Variants in THADA observed in about 807,000 individuals in gnomAD.
The protein encoded by THADA is THADA armadillo repeat containing, also known as tRNA (32-2'-O)-methyltransferase regulator THADA.
Under a neutral mutation model 219.8 loss-of-function variants are expected in THADA, and 213 were observed. That is an observed-to-expected ratio of 0.97 (90% confidence interval 0.87 to 1.09). The LOEUF is 1.09. Ranked by LOEUF, THADA falls within the 50% of genes least tolerant of loss-of-function variation. The probability of loss-of-function intolerance (pLI) is 0.00; values close to 1 mark genes in which losing one functional copy is unlikely to be tolerated. For synonymous variants in THADA, 1,018 were observed against 828.9 expected, an observed-to-expected ratio of 1.23 and a Z score of -3.92; for missense variants, 2,956 against 2,311.3, an observed-to-expected ratio of 1.28 and a Z score of -5.72.
At chr2:43,327,590 G>T (rs4128209) in intron 30 of THADA, among the ~76,000 whole-genome samples, 1 of 151,880 alleles carries the variant, frequency 6.6e-6, no homozygotes, top group Non-Finnish European at 1.5e-5. Context: ...ATATCTACCC[G>T]CCTCCTGCCC....
Position 43,577,205 on chromosome 2 carries a change from C to A in THADA, c.854G>T (p.Ser285Ile). ...GCTGCTCATAAACCACTCGGGGACA[C>A]TGGTGCAGTCCACTGAACGAAGCAG... The part of the protein sequence containing the change: ...SVLLRSVDCT[S>I]VPEWFMSSCR... Residue 285 changes from serine (S) to isoleucine (I), a missense_variant, in exon 10 of 38, where the codon AGT (serine) becomes ATT (isoleucine). By Grantham distance (142) the Ser-to-Ile change is moderately radical (BLOSUM62 -2). Transcript: ENST00000405975. The A allele has an allele frequency of 6.2e-7, 1 of 1,601,454 alleles. No individual in the cohort carries two copies. Among genetic ancestry groups the A allele is most frequent in the Non-Finnish European group, 8.5e-7 (1 of 1,174,162 alleles).
intron 30 of THADA, among the ~76,000 whole-genome samples, chr2:43,335,184 T>G (rs1420627505): frequency 6.6e-6 from 1 of 152,136 alleles, no homozygotes; most frequent in East Asian, 1.9e-4. Context: ...CCCAGGTGAT[T>G]CACGTGCACA....
chr2:43,348,225 G>C (rs1007159071), intron 29 of THADA, among the ~76,000 whole-genome samples: 2 of 152,174 alleles, frequency 1.3e-5, no homozygotes, highest in Admixed American at 6.5e-5. Flanking sequence ...CCTTCCTGTA[G>C]GGCAAACAGT....
At chr2:43,369,385 G>T (rs936564460) in intron 29 of THADA, among the ~76,000 whole-genome samples, 1 of 152,066 alleles carries the variant, frequency 6.6e-6, no homozygotes, top group African/African-American at 2.4e-5. Flanking sequence ...GAAATTTCAG[G>T]GTTTTCTTAG....
At chr2:43,282,941 C>T (rs62137408) in intron 35 of THADA, among the ~76,000 whole-genome samples, 24 of 152,270 alleles carry the variant, frequency 1.6e-4, no homozygotes, top group South Asian at 8.3e-4. Flanking sequence ...TCCACCTTTA[C>T]GTCCCAAAGA....
chr2:43,287,011 G>C lies in THADA; in HGVS notation c.5061C>G (p.Ile1687Met). The change falls in exon 35 of 38, where the codon ATC (isoleucine) becomes ATG (methionine). Residue 1687 changes from isoleucine to methionine, a missense_variant. By Grantham distance (10) the Ile-to-Met change is conservative (BLOSUM62 1). Coordinates refer to ENST00000405975, the MANE Select transcript of THADA (RefSeq NM_022065.5). ...AELKQWVQLV[I>M]LSCEDHLPTE... ...TAGGAAGATGGTCTTCACATGACAA[G>C]ATGACCAGCTGAACCCACTGCTTCA... is the stretch of plus-strand genomic sequence containing the variant. 6.2e-7 allele frequency: 1 copy of C among 1,613,950 alleles called. No individual in the cohort carries two copies. The highest frequency in any genetic ancestry group is 8.5e-7 in the Non-Finnish European group (1 of 1,179,866).
chr2:43,469,719 C>A (rs1266841392), intron 26 of THADA, among the ~76,000 whole-genome samples: 3 of 152,120 alleles, frequency 2.0e-5, no homozygotes, highest in African/African-American at 7.2e-5. Flanking sequence ...ATATTCCCTG[C>A]ATCACTTTTT....
chr2:43,322,342 A>T (rs1186378254), intron 30 of THADA, among the ~76,000 whole-genome samples: 1 of 151,844 alleles, frequency 6.6e-6, no homozygotes, highest in African/African-American at 2.4e-5. Flanking sequence ...CATCTCTACT[A>T]AAAACACAAA....
intron 24 of THADA, among the ~76,000 whole-genome samples, chr2:43,499,539 G>T (rs1484746890): frequency 1.3e-5 from 2 of 152,010 alleles, no homozygotes; most frequent in Admixed American, 1.3e-4. Context: ...ACCACGGCCG[G>T]CTAAGTTTTG....
chr2:43,291,986 T>G (rs1188164402), intron 33 of THADA, 118 bp downstream of exon 33: 1 of 785,794 alleles, frequency 1.3e-6, no homozygotes, highest in East Asian at 2.8e-5. Context: ...TAGGCTGAGG[T>G]TTAGAATGAA....
chr2:43,590,393 C>CT (rs1701425480), intron 4 of THADA, among the ~76,000 whole-genome samples: 1 of 151,988 alleles, frequency 6.6e-6, no homozygotes, highest in African/African-American at 2.4e-5. Flanking sequence ...AAAGTTGTAA[C>CT]TAGGCTGGGC....
At chr2:43,308,146 AG>A (rs1677072860) in intron 31 of THADA, among the ~76,000 whole-genome samples, 1 of 151,644 alleles carries the variant, frequency 6.6e-6, no homozygotes, top group East Asian at 2.0e-4. Context: ...GCTTAAGCCT[AG>A]GAGTTCAAGG....
intron 29 of THADA, among the ~76,000 whole-genome samples, chr2:43,379,843 G>GTTTCATATCCAT (rs1220266721): frequency 6.6e-6 from 1 of 152,178 alleles, no homozygotes; most frequent in African/African-American, 2.4e-5. Context: ...TCCATAAAAT[G>GTTTCATATCCAT]AAACAGTATT....
At chr2:43,525,634 G>C (rs1413087210) in intron 22 of THADA, among the ~76,000 whole-genome samples, 2 of 152,144 alleles carry the variant, frequency 1.3e-5, no homozygotes. Context: ...AGTTGTCTTA[G>C]GTCCCTTGTG....
At chr2:43,595,107 AAATT>A (rs781273285) in intron 1 of THADA, among the ~76,000 whole-genome samples, 2 of 152,336 alleles carry the variant, frequency 1.3e-5, no homozygotes, top group Admixed American at 1.3e-4. Flanking sequence ...ACGAATAAAC[AAATT>A]AATTAACAAA....
chr2:43,302,079 G>C (rs926956237), intron 31 of THADA, among the ~76,000 whole-genome samples: 2 of 151,812 alleles, frequency 1.3e-5, no homozygotes, highest in African/African-American at 4.8e-5. Flanking sequence ...TTTATCACAA[G>C]CTGATCTTGA....
intron 30 of THADA, among the ~76,000 whole-genome samples, chr2:43,327,752 CA>C (rs1255771376): frequency 6.6e-6 from 1 of 152,094 alleles, no homozygotes; most frequent in Non-Finnish European, 1.5e-5. Flanking sequence ...ACAGCAATAA[CA>C]ACAACAAACC....
At chr2:43,573,609 C>T (rs1699526856) in intron 11 of THADA, among the ~76,000 whole-genome samples, 1 of 152,180 alleles carries the variant, frequency 6.6e-6, no homozygotes, top group Non-Finnish European at 1.5e-5. Flanking sequence ...CTTATTTTTG[C>T]ATACAGGAAT....
intron 26 of THADA, among the ~76,000 whole-genome samples, chr2:43,473,884 C>T (rs185167684): frequency 6.6e-5 from 10 of 152,256 alleles, no homozygotes; most frequent in Admixed American, 2.0e-4. Context: ...ACAGGGATTA[C>T]GGGTGTGAGC....
Sources: allele counts gnomAD v4.1 joint callset (sites outside exome capture counted in the v4.1 genomes callset), GRCh38; gene constraint gnomAD v4.1.1; transcripts MANE v1.5; gene names NCBI Gene and HGNC (gene_info 2026-07-23, HGNC 2026-07-21).